Variants in SNX14 observed in about 807,000 individuals in gnomAD.
SNX14 encodes the protein sorting nexin 14, also known as sorting nexin-14.
Under a neutral mutation model 133.8 loss-of-function variants are expected in SNX14, and 93 were observed. The observed-to-expected ratio is 0.70, with a 90% CI of 0.59 to 0.83. The LOEUF (loss-of-function observed/expected upper bound fraction) is 0.83. Among genes scored for constraint, SNX14 ranks in the 40% least tolerant of loss-of-function variants. The probability of loss-of-function intolerance (pLI) is 0.00; values close to 1 mark genes in which losing one functional copy is unlikely to be tolerated. For synonymous variants in SNX14, 368 were observed against 365.6 expected (o/e 1.01, Z -0.07); for missense variants, 945 against 1,094.9 (o/e 0.86, Z 1.93).
At chr6:85,560,551 A>G (rs976390462) in intron 6 of SNX14, among the ~76,000 whole-genome samples, 3 of 152,210 alleles carry the variant, frequency 2.0e-5, no homozygotes, top group African/African-American at 7.2e-5. Flanking sequence ...AAATGTTCTA[A>G]AATTGACTAT....
In SNX14 at chr6:85,567,528, A is replaced by G. The variant is rs752571530; in HGVS notation, c.461+6T>C. ...CAGAAAAAAAGATCTTATAGAAAGA[A>G]CATACCTGTACCACGGATAAACAAA... On this transcript the variant is annotated splice_donor_region_variant and intron_variant, in intron 5 of 28. Coordinates refer to ENST00000314673, the MANE Select transcript of SNX14 (RefSeq NM_153816.6). 1 of 1,503,264 alleles carries G rather than the reference A, an allele frequency of 6.7e-7. No individual in the cohort carries two copies. The allele number at this position is 1,503,264 out of a possible 1,614,324, so 93.1% of individuals were successfully genotyped here.
At chr6:85,556,714 A>T (rs991119009) in intron 7 of SNX14, among the ~76,000 whole-genome samples, 30 of 152,068 alleles carry the variant, frequency 2.0e-4, no homozygotes, top group African/African-American at 7.2e-4. Context: ...CAGCCTCCCA[A>T]AGTGCTGGGA....
chr6:85,550,531 C>T (rs1184089268), intron 7 of SNX14, among the ~76,000 whole-genome samples: 5 of 152,078 alleles, frequency 3.3e-5, no homozygotes, highest in South Asian at 2.1e-4. Context: ...GGTCTCGCTC[C>T]GTCACCCAGG....
chr6:85,569,146 G>C (rs192815856), intron 4 of SNX14, among the ~76,000 whole-genome samples: 172 of 152,148 alleles, frequency 1.1e-3, no homozygotes, highest in Middle Eastern at 6.8e-3. Context: ...ATTTTTACTA[G>C]AGATGGGGTT....
At chr6:85,550,788 CTT>C (rs891512349) in intron 7 of SNX14, among the ~76,000 whole-genome samples, 2 of 144,274 alleles carry the variant, frequency 1.4e-5, no homozygotes. Context: ...CCTCAAAATT[CTT>C]TTTTTTTTTT....
At chr6:85,518,704 A>C (rs1366611469) in intron 21 of SNX14, among the ~76,000 whole-genome samples, 1 of 152,234 alleles carries the variant, frequency 6.6e-6, no homozygotes, top group African/African-American at 2.4e-5. Context: ...TTATGGCAAT[A>C]GAAGGGGACA....
At chr6:85,559,825 C>A (rs1290990852) in intron 6 of SNX14, among the ~76,000 whole-genome samples, 1 of 152,028 alleles carries the variant, frequency 6.6e-6, no homozygotes, top group Non-Finnish European at 1.5e-5. Context: ...AGTTAAAATG[C>A]AGGTAAGGAA....
intron 12 of SNX14, among the ~76,000 whole-genome samples, chr6:85,545,745 A>G (rs1404230983): frequency 1.3e-5 from 2 of 152,150 alleles, no homozygotes; most frequent in Admixed American, 1.3e-4. Context: ...GTGCAGTGGC[A>G]TGATCTCGGC....
chr6:85,507,489 T>C (rs1167281925), intron 27 of SNX14, among the ~76,000 whole-genome samples, 200 bp from the exon 28 acceptor site: 1 of 152,184 alleles, frequency 6.6e-6, no homozygotes, highest in Non-Finnish European at 1.5e-5. Context: ...TAAGTACACA[T>C]GTGTTTGCAT....
Position 85,593,601 on chromosome 6 carries a change from C to A in SNX14, c.118G>T (p.Ala40Ser), listed in dbSNP as rs757034242. 4 of 1,612,620 alleles carry A rather than the reference C, an allele frequency of 2.5e-6. No homozygotes were observed. In the Admixed American group the frequency reaches 5.0e-5, roughly 20 times the overall value. The change falls in exon 1 of 29, where the codon GCC becomes TCC. Residue 40 changes from alanine (A) to serine (S), a missense_variant. Transcript: ENST00000314673. ...TACCTGTTAAGAAGCAGGGAGGCGG[C>A]GCTGAGACAGAGCAGCAGGAAGCAG... is the stretch of plus-strand genomic sequence containing the variant. The part of the protein sequence containing the change: ...LFCFLLLCLS[A>S]ASLLLNRYIH...
chr6:85,514,746 GAAT>G (rs1774211865), intron 23 of SNX14, 117 bp from the exon 24 acceptor site: 1 of 992,598 alleles, frequency 1.0e-6, no homozygotes. Flanking sequence ...AATCAAAACA[GAAT>G]ATTAGATAGG....
At chr6:85,507,173 A>G (rs1395816484) in intron 28 of SNX14, 60 bp downstream of exon 28, 2 of 1,407,624 alleles carry the variant, frequency 1.4e-6, no homozygotes, top group Non-Finnish European at 2.0e-6. Flanking sequence ...GTCCCTAATT[A>G]AAATAAATGT....
At chr6:85,569,205 G>A (rs559913688) in intron 4 of SNX14, among the ~76,000 whole-genome samples, 21 of 152,094 alleles carry the variant, frequency 1.4e-4, no homozygotes, top group Non-Finnish European at 2.5e-4. Context: ...TAGGTGATCC[G>A]CCCACCTCGG....
intron 6 of SNX14, among the ~76,000 whole-genome samples, chr6:85,564,554 T>G (rs1430648447): frequency 6.6e-6 from 1 of 152,202 alleles, no homozygotes; most frequent in East Asian, 1.9e-4. Flanking sequence ...TGTCTTTTCA[T>G]TTCTAATTTC....
At chr6:85,529,706 G>A (rs961136999) in intron 19 of SNX14, among the ~76,000 whole-genome samples, 4 of 152,034 alleles carry the variant, frequency 2.6e-5, no homozygotes, top group South Asian at 2.1e-4. Flanking sequence ...GGACAGGAAC[G>A]TTCCTTACCC....
intron 7 of SNX14, among the ~76,000 whole-genome samples, chr6:85,555,538 A>G (rs910571507): frequency 2.6e-5 from 4 of 152,228 alleles, no homozygotes; most frequent in African/African-American, 9.6e-5. Flanking sequence ...GAGACAGTAA[A>G]AAGATCAGTG....
chr6:85,533,026 ACAGG>A (rs1236600591), intron 18 of SNX14, among the ~76,000 whole-genome samples: 3 of 152,120 alleles, frequency 2.0e-5, no homozygotes, highest in Non-Finnish European at 4.4e-5. Context: ...AGCCGGGACT[ACAGG>A]CACGCACCAA....
intron 1 of SNX14, among the ~76,000 whole-genome samples, chr6:85,582,374 T>C (rs183933922): frequency 6.6e-6 from 1 of 151,882 alleles, no homozygotes; most frequent in African/African-American, 2.4e-5. Context: ...AGTTCTTCAA[T>C]CTGAAAGAAA....
Position 85,533,811 on chromosome 6 carries a change from A to G in SNX14, c.1609-11T>C. The G allele has an allele frequency of 6.2e-7, 1 of 1,606,416 alleles. No homozygotes were observed. Among genetic ancestry groups the G allele is most frequent in the Non-Finnish European group, 8.5e-7 (1 of 1,176,162 alleles). Reference sequence around the variant, plus strand: ...AATACCTTCTTCAATCTGGAAAAAAATTACCAGGATGAATTTAATATTCCC... The same window carrying G: ...AATACCTTCTTCAATCTGGAAAAAAGTTACCAGGATGAATTTAATATTCCC... On this transcript the variant is annotated splice_polypyrimidine_tract_variant and intron_variant, in intron 17 of 28. Coordinates refer to ENST00000314673, the MANE Select transcript of SNX14 (RefSeq NM_153816.6).
Sources: allele counts gnomAD v4.1 joint callset (sites outside exome capture counted in the v4.1 genomes callset), GRCh38; gene constraint gnomAD v4.1.1; transcripts MANE v1.5; gene names NCBI Gene and HGNC (gene_info 2026-07-23, HGNC 2026-07-21).